PLEC: variants seen among roughly 807,000 people sequenced by gnomAD.
PLEC encodes the protein plectin, also known as hemidesmosomal protein 1.
PLEC carries 216 observed loss-of-function variants against 392.8 expected under a neutral mutation model. The ratio of observed to expected loss-of-function variants is 0.55; its 90% CI spans 0.49 to 0.62. The LOEUF (loss-of-function observed/expected upper bound fraction) is 0.62. Among genes scored for constraint, PLEC ranks in the 20% least tolerant of loss-of-function variants. The pLI is 0.00. For synonymous variants in PLEC, 3,621 were observed against 2,980.6 expected, an observed-to-expected ratio of 1.21 and a Z score of -7.00; for missense variants, 6,863 against 6,563.4, an observed-to-expected ratio of 1.05 and a Z score of -1.58.
Position 143,927,727 on chromosome 8 carries a change from C to A in PLEC, c.3439G>T (p.Asp1147Tyr), listed in dbSNP as rs782758381. The A allele has an allele frequency of 1.9e-6, 3 of 1,594,014 alleles. No homozygotes were observed. Among genetic ancestry groups the A allele is most frequent in the Non-Finnish European group, 2.6e-6 (3 of 1,169,300 alleles). The change falls in exon 27 of 32, where the codon GAC (aspartate) becomes TAC (tyrosine). Residue 1147 changes from aspartate to tyrosine, a missense_variant. Physicochemically the swap from Asp to Tyr is radical, Grantham distance 160. Coordinates refer to ENST00000345136, the MANE Select transcript of PLEC (RefSeq NM_201384.3). ...AQAEAQQPTF[D>Y]ALRDELRGAQ... ...CCCCGCAGCTCATCCCGCAGGGCGT[C>A]GAACGTGGGCTGCTGTGCCTCGGCC...
At position 143,923,982 on chromosome 8, in the gene PLEC, G is replaced by A. The variant is rs781814416; in HGVS notation, c.5947C>T (p.Arg1983Cys). ...TGCACGCGCTCCTCAGCCTCACGGC[G>A]CCGCCGCTCCTCCTCCGCCGCCAGC... Reference protein sequence around the residue: ...RQLAAEEERRRREAEERVQKS... With the variant: ...RQLAAEEERRCREAEERVQKS... The change falls in exon 31 of 32, where the codon CGC (arginine) becomes TGC (cysteine). Residue 1983 changes from arginine to cysteine, a missense_variant. Physicochemically the swap from Arg to Cys is radical, Grantham distance 180. Transcript: ENST00000345136. 59 of 1,583,452 alleles carry A rather than the reference G, an allele frequency of 3.7e-5. No individual in the cohort carries two copies. The highest frequency in any genetic ancestry group is 1.4e-4 in the East Asian group (6 of 44,078).
chr8:143,930,598 C>T, intron 19 of PLEC, 62 bp from the exon 20 acceptor site: 2 of 1,526,686 alleles, frequency 1.3e-6, no homozygotes, highest in Non-Finnish European at 1.8e-6. Context: ...GCCCCAGGCA[C>T]CCCCAGACCC....
intron 11 of PLEC, 82 bp downstream of exon 11, chr8:143,934,236 G>C (rs1828299608): frequency 1.9e-6 from 3 of 1,600,178 alleles, no homozygotes; most frequent in Non-Finnish European, 2.6e-6. Flanking sequence ...CCCCGCCGGG[G>C]GCGGGGCGGG....
chr8:143,929,047 C>T (rs1327872378), intron 25 of PLEC, 56 bp downstream of exon 25: 1 of 1,477,434 alleles, frequency 6.8e-7, no homozygotes, highest in African/African-American at 1.4e-5. Flanking sequence ...TCACAGCCCT[C>T]ACCCCAGCAC....
intron 10 of PLEC, 37 bp from the exon 11 acceptor site, chr8:143,934,482 G>A: frequency 6.2e-7 from 1 of 1,608,614 alleles, no homozygotes; most frequent in Non-Finnish European, 8.5e-7. Context: ...CTATAGGCAG[G>A]GGGCAGGGGG....
At chr8:143,940,252 C>G (rs1554727715), upstream of PLEC, among the ~76,000 whole-genome samples, 1 of 152,258 alleles carries the variant, frequency 6.6e-6, no homozygotes, top group East Asian at 1.9e-4. Flanking sequence ...CGGAGCCCAC[C>G]CTGCCCCAGG....
chr8:143,949,138 G>A (rs781966494), intron 1 of PLEC, among the ~76,000 whole-genome samples: 5 of 152,200 alleles, frequency 3.3e-5, no homozygotes, highest in South Asian at 4.1e-4. Flanking sequence ...CCAGGGCTCC[G>A]CCCAGCATCC....
rs931555489 is a variant in PLEC, at chr8:143,935,735, C to A, written c.602+113G>T. 6 of 1,208,908 alleles carry A rather than the reference C, an allele frequency of 5.0e-6. No individual in the cohort carries two copies. The African/African-American group carries it at 9.0e-5, about 18-fold the overall frequency. 74.9% of individuals were successfully genotyped at this position (1,208,908 alleles called of 1,614,324 possible). On this transcript the variant is annotated intron_variant, in intron 6 of 31. Transcript: ENST00000345136. ...ACCACCCCGAGGCGGCCAGCTGGCA[C>A]TCATCCCTGTTCCTCCTGCCCTCCT...
intron 1 of PLEC, 63 bp downstream of exon 1, chr8:143,939,287 T>C: frequency 6.4e-7 from 1 of 1,556,800 alleles, no homozygotes; most frequent in Non-Finnish European, 8.7e-7. Context: ...CCACAGGAAG[T>C]GGGCCTTCCT....
upstream of PLEC, among the ~76,000 whole-genome samples, chr8:143,953,177 G>A: frequency 6.6e-6 from 1 of 151,552 alleles, no homozygotes; most frequent in Non-Finnish European, 1.5e-5. Context: ...GTGCGACTGG[G>A]CGGCCCCTTC....
chr8:143,959,990 A>G (rs1554740343), intron 1 of PLEC, among the ~76,000 whole-genome samples: 2 of 151,338 alleles, frequency 1.3e-5, no homozygotes, highest in African/African-American at 4.9e-5. Flanking sequence ...AAAAAAATAA[A>G]AAAGAACTGG....
chr8:143,924,390 G>T lies in PLEC; in HGVS notation c.5539C>A (p.Arg1847=). ...GCGATCTCCGCCTCCGTCTTGAGCC[G>T]CGTGGCCTCGCCGATGGCGGCCAGC... ...EKLAAIGEAT[R]LKTEAEIALK... The change falls in exon 31 of 32, where the codon CGG becomes AGG. Residue 1847 remains arginine (R), a synonymous_variant. Coordinates refer to ENST00000345136, the MANE Select transcript of PLEC (RefSeq NM_201384.3). 1 of 1,595,006 alleles carries T rather than the reference G, an allele frequency of 6.3e-7. No individual in the cohort carries two copies. Among genetic ancestry groups the T allele is most frequent in the Non-Finnish European group, 8.5e-7 (1 of 1,177,918 alleles).
At chr8:143,953,982 G>T, upstream of PLEC, 1 of 1,265,190 alleles carries the variant, frequency 7.9e-7, no homozygotes, top group Non-Finnish European at 1.0e-6. Context: ...CTCCCCCCCA[G>T]CCTGTGGTTC....
At position 143,938,685 on chromosome 8, in the gene PLEC, C is replaced by T; in HGVS notation, c.120G>A (p.Arg40=). The T allele has an allele frequency of 1.2e-6, 2 of 1,613,838 alleles. No individual in the cohort carries two copies. Among genetic ancestry groups the T allele is most frequent in the Non-Finnish European group, 8.5e-7 (1 of 1,179,960 alleles). Residue 40 remains arginine (R), a synonymous_variant, in exon 2 of 32, where the codon CGG becomes CGA. Coordinates refer to ENST00000345136, the MANE Select transcript of PLEC (RefSeq NM_201384.3). ...LRASEGKKDE[R]DRVQKKTFTK... ...TGAAGGTTTTCTTCTGCACACGATC[C>T]CGCTCATCTGGGGGAGACAAGACCA... is the stretch of plus-strand genomic sequence containing the variant.
chr8:143,959,845 T>A (rs1587395955), intron 1 of PLEC, among the ~76,000 whole-genome samples: 1 of 149,980 alleles, frequency 6.7e-6, no homozygotes, highest in Non-Finnish European at 1.5e-5. Flanking sequence ...AAATACAAAA[T>A]ATTAGCCGGG....
At chr8:143,950,920 C>A (rs577910653), upstream of PLEC, 29 of 982,920 alleles carry the variant, frequency 3.0e-5, no homozygotes, top group Non-Finnish European at 4.0e-5. Flanking sequence ...CAATCCCTGC[C>A]GGCACTGCCG....
In PLEC at chr8:143,920,975, C is replaced by T. The variant is rs781940132; in HGVS notation, c.8846G>A (p.Arg2949Gln). ...CTTGATGATCTTCTCCACTGTGATC[C>T]GGCCCGTGCGGAACTGCCGCAGCAG... ...RDLLRQFRTG[R>Q]ITVEKIIKII... Residue 2949 changes from arginine to glutamine, a missense_variant, in exon 32 of 32, where the codon CGG (arginine) becomes CAG (glutamine). Physicochemically the swap from Arg to Gln is conservative, Grantham distance 43. Transcript: ENST00000345136. 1.4e-5 allele frequency: 22 copies of T among 1,613,008 alleles called. No homozygotes were observed. Among genetic ancestry groups the T allele is most frequent in the South Asian group, 6.6e-5 (6 of 91,086 alleles).
chr8:143,941,432 G>A (rs1564186217), upstream of PLEC, among the ~76,000 whole-genome samples: 1 of 152,030 alleles, frequency 6.6e-6, no homozygotes, highest in Non-Finnish European at 1.5e-5. Flanking sequence ...GGTCAGGAAT[G>A]GGGCAGGGGC....
chr8:143,975,470 C>G, upstream of PLEC: 1 of 1,026,888 alleles, frequency 9.7e-7, no homozygotes, highest in South Asian at 1.3e-5. This position sits in a 1 kb window ranked among gnomAD's most constrained non-coding sequence, Gnocchi z 9.9. Context: ...AGACACTGAA[C>G]TCTCCCCACC....
Sources: gnomAD v4.1 joint callset for allele counts (sites outside exome capture counted in the v4.1 genomes callset) on GRCh38, gnomAD v4.1.1 for gene constraint, Gnocchi (gnomAD v3.1) non-coding constraint, MANE v1.5 for transcripts, NCBI Gene and HGNC (gene_info 2026-07-23, HGNC 2026-07-21) for gene names.